RPTOR: variants seen among roughly 807,000 people sequenced by gnomAD.
The protein encoded by RPTOR is regulatory-associated protein of mTOR.
RPTOR carries 21 observed loss-of-function variants against 169.9 expected under a neutral mutation model. The observed-to-expected ratio is 0.12, with a 90% CI of 0.09 to 0.18. RPTOR has a LOEUF of 0.18. RPTOR is among the 10% of genes least tolerant of loss of function. The pLI is 1.00. For synonymous variants in RPTOR, 732 were observed against 753.2 expected, an observed-to-expected ratio of 0.97 and a Z score of 0.46; for missense variants, 1,133 against 1,855.9, an observed-to-expected ratio of 0.61 and a Z score of 7.16.
chr17:80,643,058 T>C (rs1276963309), intron 2 of RPTOR, among the ~76,000 whole-genome samples: 1 of 152,232 alleles, frequency 6.6e-6, no homozygotes, highest in Admixed American at 6.5e-5. Context: ...AAATCTTAGC[T>C]GAATTTCACA....
At chr17:80,714,101 G>A (rs1017135986) in intron 4 of RPTOR, among the ~76,000 whole-genome samples, 1 of 152,072 alleles carries the variant, frequency 6.6e-6, no homozygotes, top group Non-Finnish European at 1.5e-5. Flanking sequence ...ACCACGCCTG[G>A]CTAACTGTTT....
At chr17:80,863,036 C>T (rs957214061) in intron 13 of RPTOR, among the ~76,000 whole-genome samples, 12 of 152,216 alleles carry the variant, frequency 7.9e-5, no homozygotes, top group African/African-American at 1.4e-4. Context: ...TGGGGCACAC[C>T]GTGTGTCCCA....
intron 24 of RPTOR, among the ~76,000 whole-genome samples, chr17:80,930,312 C>CCAGCA (rs2068868709): frequency 1.2e-5 from 1 of 80,142 alleles, no homozygotes; most frequent in Non-Finnish European, 2.8e-5. Flanking sequence ...CAGCTCATCC[C>CCAGCA]CAGCTCAGCT....
At chr17:80,691,750 A>G (rs2065993781) in intron 3 of RPTOR, among the ~76,000 whole-genome samples, 1 of 151,918 alleles carries the variant, frequency 6.6e-6, no homozygotes, top group Non-Finnish European at 1.5e-5. Flanking sequence ...TGGTATGGAG[A>G]GCTTAATCTG....
At chr17:80,550,525 C>T (rs2084331821) in intron 1 of RPTOR, among the ~76,000 whole-genome samples, 2 of 152,182 alleles carry the variant, frequency 1.3e-5, no homozygotes. Flanking sequence ...ATGCTTAAAC[C>T]CCCAATCTTT....
At chr17:80,698,567 A>G (rs2066057131) in intron 3 of RPTOR, among the ~76,000 whole-genome samples, 1 of 152,188 alleles carries the variant, frequency 6.6e-6, no homozygotes, top group Admixed American at 6.5e-5. Context: ...CTTCCATCCT[A>G]GGCCGGCAGC....
chr17:80,705,328 C>T (rs1209453322), intron 3 of RPTOR, among the ~76,000 whole-genome samples: 8 of 152,238 alleles, frequency 5.3e-5, no homozygotes, highest in East Asian at 1.9e-4. Context: ...GCTCTAACCC[C>T]GCCTCAGACC....
intron 13 of RPTOR, among the ~76,000 whole-genome samples, chr17:80,866,312 G>A (rs2067990094): frequency 6.6e-6 from 1 of 152,094 alleles, no homozygotes; most frequent in Non-Finnish European, 1.5e-5. Context: ...TGCTGAGAGG[G>A]GAGTGTGTAG....
chr17:80,700,369 A>G (rs1186653961), intron 3 of RPTOR, among the ~76,000 whole-genome samples: 5 of 133,772 alleles, frequency 3.7e-5, no homozygotes, highest in Non-Finnish European at 7.7e-5. Context: ...TAAGAAATAG[A>G]TAAGTGGTGG....
At chr17:80,951,877 G>A (rs147560318) in intron 28 of RPTOR, among the ~76,000 whole-genome samples, 9 of 152,314 alleles carry the variant, frequency 5.9e-5, no homozygotes, top group African/African-American at 1.9e-4. Flanking sequence ...TGGAGACAGG[G>A]CCTTTACAGA....
chr17:80,685,636 T>TATTTTTTTA (rs1263496041), intron 3 of RPTOR, among the ~76,000 whole-genome samples: 1 of 55,630 alleles, frequency 1.8e-5, no homozygotes, highest in African/African-American at 5.1e-5. Flanking sequence ...TATTTTTTTT[T>TATTTTTTTA]TTTTTTTTTT....
chr17:80,712,907 G>A (rs62067908), intron 4 of RPTOR, among the ~76,000 whole-genome samples: 8,135 of 152,186 alleles, frequency 0.053, 270 homozygotes, highest in Non-Finnish European at 0.078. Flanking sequence ...TTTCAATTTC[G>A]TAATGATGTG....
Position 80,966,355 on chromosome 17 carries a change from A to G in RPTOR, c.*2025A>G, listed in dbSNP as rs2069432777. The G allele has an allele frequency of 4.4e-6, 1 of 226,042 alleles. No homozygotes were observed. The highest frequency in any genetic ancestry group is 8.8e-6 in the Non-Finnish European group (1 of 113,636). The allele number at this position is 226,042 out of a possible 1,614,324, so 14.0% of individuals were successfully genotyped here. On this transcript the variant is annotated 3_prime_UTR_variant, in exon 34 of 34. Transcript: ENST00000306801. ...AAGAGCAGAGAGTGACCAACAGTAA[A>G]CAACACGCGCAGACTCCGCGGCTGG...
Position 80,803,262 on chromosome 17 carries a change from G to A in RPTOR, c.890+11753G>A, listed in dbSNP as rs1409216801. The A allele has an allele frequency of 1.3e-5, 2 of 152,302 alleles. No individual in the cohort carries two copies. The highest frequency in any genetic ancestry group is 3.9e-4 in the East Asian group (2 of 5,194). 9.4% of individuals were successfully genotyped at this position (152,302 alleles called of 1,614,324 possible). On this transcript the variant is annotated intron_variant, in intron 7 of 33. Coordinates refer to ENST00000306801, the MANE Select transcript of RPTOR (RefSeq NM_020761.3). The surrounding 1 kb of genome is among the most constrained non-coding windows in gnomAD (Gnocchi z 6.2). ...CAGCCACCCGGCGAGCAGCCTCTGA[G>A]GCCATCTCCATTTAAACTTCTGGAA...
At chr17:80,797,631 G>A (rs998398333) in intron 7 of RPTOR, among the ~76,000 whole-genome samples, 1 of 152,242 alleles carries the variant, frequency 6.6e-6, no homozygotes, top group African/African-American at 2.4e-5. Context: ...TACAAAGTGA[G>A]GCAGAAAATT....
At chr17:80,776,639 AC>A (rs1419368668) in intron 6 of RPTOR, among the ~76,000 whole-genome samples, 1 of 152,138 alleles carries the variant, frequency 6.6e-6, no homozygotes, top group Non-Finnish European at 1.5e-5. Flanking sequence ...AAACTTCTTT[AC>A]TAAAAGGTTG....
intron 17 of RPTOR, among the ~76,000 whole-genome samples, chr17:80,890,310 C>T (rs2068304617): frequency 6.6e-6 from 1 of 152,224 alleles, no homozygotes; most frequent in Non-Finnish European, 1.5e-5. Context: ...AAGACAGGTG[C>T]AGCCTTGATC....
chr17:80,848,735 C>G (rs572948239), intron 11 of RPTOR, among the ~76,000 whole-genome samples: 1 of 152,350 alleles, frequency 6.6e-6, no homozygotes, highest in South Asian at 2.1e-4. Flanking sequence ...AAAATCGGCC[C>G]TCTCCAAAGC....
intron 20 of RPTOR, among the ~76,000 whole-genome samples, chr17:80,900,149 A>G (rs908379806): frequency 6.6e-6 from 1 of 152,038 alleles, no homozygotes; most frequent in Admixed American, 6.5e-5. Context: ...ACTCCTGGCC[A>G]GGAGTCGGGG....
Sources: gnomAD v4.1 joint callset for allele counts (sites outside exome capture counted in the v4.1 genomes callset) on GRCh38, gnomAD v4.1.1 for gene constraint, Gnocchi (gnomAD v3.1) non-coding constraint, MANE v1.5 for transcripts, NCBI Gene and HGNC (gene_info 2026-07-23, HGNC 2026-07-21) for gene names.